Variants in EDA observed in about 807,000 individuals in gnomAD.
The protein encoded by EDA is ectodysplasin A, also known as ectodysplasin-A.
In EDA, 2 loss-of-function variants were observed where a neutral mutation model predicts 23.6. The observed-to-expected ratio is 0.08, with a 90% CI of 0.03 to 0.27. The LOEUF is 0.27. Ranked by LOEUF, EDA falls within the 10% of genes least tolerant of loss-of-function variation. The probability of loss-of-function intolerance (pLI) is 1.00; values close to 1 mark genes in which losing one functional copy is unlikely to be tolerated. For synonymous variants in EDA, 131 were observed against 132.0 expected, an observed-to-expected ratio of 0.99 and a Z score of 0.05; for missense variants, 229 against 324.2, an observed-to-expected ratio of 0.71 and a Z score of 2.26.
intron 1 of EDA, among the ~76,000 whole-genome samples, chrX:69,651,880 GAA>G (rs763464146): frequency 9.0e-6 from 1 of 111,051 alleles, no homozygotes; most frequent in Non-Finnish European, 1.9e-5. Context: ...CAGGAGGAAA[GAA>G]GAGGAGAAAA....
intron 1 of EDA, among the ~76,000 whole-genome samples, chrX:69,706,220 C>A (rs1423887190): frequency 9.0e-6 from 1 of 111,708 alleles, no homozygotes; most frequent in South Asian, 3.8e-4. Flanking sequence ...ATAGGGCAGA[C>A]AAAGCATCTT....
At chrX:69,682,389 C>T (rs1381172613) in intron 1 of EDA, among the ~76,000 whole-genome samples, 2 of 112,754 alleles carry the variant, frequency 1.8e-5, no homozygotes, top group Non-Finnish European at 3.8e-5. Context: ...CCTAAGCAAG[C>T]CTGGGCAATG....
chrX:70,023,997 A>ATCCAAAGACAGAACAGTC (rs2020076520), intron 3 of EDA, among the ~76,000 whole-genome samples: 1 of 112,128 alleles, frequency 8.9e-6, no homozygotes, highest in African/African-American at 3.2e-5. Context: ...AGGAGAATCA[A>ATCCAAAGACAGAACAGTC]TCCAAAGACA....
intron 1 of EDA, among the ~76,000 whole-genome samples, chrX:69,786,131 G>A (rs1250978412): frequency 9.1e-6 from 1 of 110,159 alleles, no homozygotes; most frequent in South Asian, 3.9e-4. Flanking sequence ...TGTGGGATCA[G>A]TGGTGATATC....
intron 1 of EDA, chrX:69,749,814 A>T (rs1175145331): frequency 9.1e-6 from 1 of 110,355 alleles, no homozygotes; most frequent in Non-Finnish European, 1.9e-5. Flanking sequence ...CCGTTGACAT[A>T]GGACTAATAG....
intron 2 of EDA, among the ~76,000 whole-genome samples, chrX:69,994,538 G>A (rs2019631031): frequency 8.9e-6 from 1 of 112,069 alleles, no homozygotes; most frequent in Non-Finnish European, 1.9e-5. Flanking sequence ...ATAGATCTGA[G>A]TTGAGGCCCA....
chrX:69,641,612 TAA>T (rs1932839666), intron 1 of EDA, among the ~76,000 whole-genome samples: 1 of 112,145 alleles, frequency 8.9e-6, no homozygotes, highest in South Asian at 3.7e-4. Flanking sequence ...GTTTGCAACA[TAA>T]TAAAGGCAGA....
At chrX:69,887,770 T>A (rs1334241861) in intron 1 of EDA, among the ~76,000 whole-genome samples, 1 of 111,624 alleles carries the variant, frequency 9.0e-6, no homozygotes, top group Non-Finnish European at 1.9e-5. Context: ...TAGGATGGTA[T>A]ATACAAAGTG....
At chrX:69,862,336 C>T (rs183973037) in intron 1 of EDA, among the ~76,000 whole-genome samples, 2 of 112,272 alleles carry the variant, frequency 1.8e-5, no homozygotes, top group Admixed American at 1.9e-4. Context: ...TGCATACCAT[C>T]ATTTCTGCTT....
intron 1 of EDA, among the ~76,000 whole-genome samples, chrX:69,834,626 C>T (rs1259902036): frequency 9.2e-6 from 1 of 108,191 alleles, no homozygotes; most frequent in Non-Finnish European, 1.9e-5. Flanking sequence ...TGAGATGGGT[C>T]TGCTGAACAT....
intron 1 of EDA, among the ~76,000 whole-genome samples, chrX:69,622,435 G>C (rs1205217034): frequency 1.8e-5 from 2 of 112,048 alleles, no homozygotes. Flanking sequence ...AATATCCGTT[G>C]ATTTTAATTG....
intron 1 of EDA, among the ~76,000 whole-genome samples, chrX:69,792,006 G>C (rs759994233): frequency 9.0e-6 from 1 of 111,371 alleles, no homozygotes; most frequent in East Asian, 2.8e-4. Flanking sequence ...CTGCGTTTTG[G>C]TTACCTGGAT....
intron 1 of EDA, among the ~76,000 whole-genome samples, chrX:69,651,219 G>A: frequency 9.0e-6 from 1 of 111,673 alleles, no homozygotes; most frequent in Non-Finnish European, 1.9e-5. Context: ...ACATTGGAGG[G>A]TTTTAAGATT....
intron 1 of EDA, among the ~76,000 whole-genome samples, chrX:69,842,700 G>A (rs999962620): frequency 4.5e-5 from 5 of 111,954 alleles, no homozygotes; most frequent in Non-Finnish European, 7.5e-5. Context: ...GTGGCGCCTG[G>A]TGGCAGGTGA....
chrX:69,617,008 C>T, intron 1 of EDA: 1 of 424,246 alleles, frequency 2.4e-6, no homozygotes, highest in African/African-American at 2.5e-5. Context: ...CCTGCGCTGC[C>T]CCCCGGCCGA....
intron 1 of EDA, among the ~76,000 whole-genome samples, chrX:69,692,678 T>C (rs1934747125): frequency 8.9e-6 from 1 of 112,059 alleles, no homozygotes; most frequent in South Asian, 3.7e-4. Flanking sequence ...GGGATTTTCA[T>C]CAAGTTTTGT....
At chrX:69,735,378 A>G (rs2013216170) in intron 1 of EDA, among the ~76,000 whole-genome samples, 1 of 111,734 alleles carries the variant, frequency 8.9e-6, no homozygotes, top group African/African-American at 3.3e-5. Context: ...TACAGCATGG[A>G]TGGGCTTTGA....
chrX:69,678,511 G>C (rs1934197312), intron 1 of EDA, among the ~76,000 whole-genome samples: 1 of 111,186 alleles, frequency 9.0e-6, no homozygotes, highest in Non-Finnish European at 1.9e-5. Context: ...GCAGTGGTTT[G>C]TAGTTCTCCT....
chrX:69,897,993 C>T (rs1216395516), intron 1 of EDA, among the ~76,000 whole-genome samples: 1 of 112,210 alleles, frequency 8.9e-6, no homozygotes, highest in Non-Finnish European at 1.9e-5. Flanking sequence ...ATTTGATTGA[C>T]ATGCTCTCAG....
Sources: allele counts gnomAD v4.1 joint callset (sites outside exome capture counted in the v4.1 genomes callset), GRCh38; gene constraint gnomAD v4.1.1; transcripts MANE v1.5; gene names NCBI Gene and HGNC (gene_info 2026-07-23, HGNC 2026-07-21).